Variants in SNX31 observed in about 807,000 individuals in gnomAD.
SNX31 encodes sorting nexin-31.
SNX31 carries 58 observed loss-of-function variants against 65.4 expected under a neutral mutation model. That is an observed-to-expected ratio of 0.89 (90% CI 0.72 to 1.10). SNX31 has a LOEUF of 1.10. Among genes scored for constraint, SNX31 ranks in the 50% least tolerant of loss-of-function variants. The pLI, the probability that SNX31 is intolerant of heterozygous loss-of-function variation, is 0.00. For synonymous variants in SNX31, 181 were observed against 190.1 expected, an observed-to-expected ratio of 0.95 and a Z score of 0.39; for missense variants, 523 against 529.7, an observed-to-expected ratio of 0.99 and a Z score of 0.12.
chr8:100,602,723 C>T lies in SNX31; in HGVS notation c.682-2282G>A, dbSNP rs146925528. ...ACTGAGATCACTACTAAGTGACTGA[C>T]GGGTGGATGATGCAGACAGCACGAA... On this transcript the variant is annotated intron_variant, in intron 8 of 13. Transcript: ENST00000311812. Among the ~76,000 whole-genome samples, 519 of 152,180 alleles carry T rather than the reference C, an allele frequency of 3.4e-3. 1 individual carries two copies. Among genetic ancestry groups the T allele is most frequent in the Middle Eastern group, 6.8e-3 (2 of 294 alleles).
chr8:100,582,064 C>T lies in SNX31; in HGVS notation c.1170+2047G>A, dbSNP rs114689114. On this transcript the variant is annotated intron_variant, in intron 12 of 13. Transcript: ENST00000311812. ...AAATAAAGAGTTTCTGGAACTAAAA[C>T]GTGTTAAATATTTGGATAAAGCAAT... 7.6e-3 allele frequency among the ~76,000 whole-genome samples: 1,158 copies of T among 152,220 alleles called. 13 individuals are homozygous for T. Among genetic ancestry groups the T allele is most frequent in the African/African-American group, 0.026 (1,077 of 41,526 alleles).
chr8:100,581,132 CAA>C (rs60802013), intron 12 of SNX31, among the ~76,000 whole-genome samples: 6 of 79,616 alleles, frequency 7.5e-5, no homozygotes, highest in Non-Finnish European at 1.0e-4. Context: ...CTTACCTCTA[CAA>C]AAAAAAAAAA....
chr8:100,618,579 G>GT, intron 4 of SNX31: 1 of 544,490 alleles, frequency 1.8e-6, no homozygotes, highest in Non-Finnish European at 3.2e-6. Flanking sequence ...CAGCAAATAT[G>GT]GGGCCCAAGT....
At chr8:100,661,674 T>C (rs1809790245) in intron 1 of SNX31, among the ~76,000 whole-genome samples, 1 of 148,706 alleles carries the variant, frequency 6.7e-6, no homozygotes, top group Non-Finnish European at 1.5e-5. Context: ...GACTATAACA[T>C]GCACCACCAC....
intron 10 of SNX31, among the ~76,000 whole-genome samples, chr8:100,591,998 TATG>T (rs1453256555): frequency 1.3e-5 from 2 of 151,968 alleles, no homozygotes; most frequent in African/African-American, 4.8e-5. Flanking sequence ...AGGAGGAAAA[TATG>T]ATCTGCAAAC....
intron 1 of SNX31, among the ~76,000 whole-genome samples, chr8:100,661,672 C>T (rs1809790204): frequency 6.7e-6 from 1 of 149,492 alleles, no homozygotes; most frequent in Admixed American, 6.8e-5. Flanking sequence ...GGGACTATAA[C>T]ATGCACCACC....
intron 8 of SNX31, among the ~76,000 whole-genome samples, chr8:100,607,315 T>G (rs984435017): frequency 6.6e-6 from 1 of 152,032 alleles, no homozygotes; most frequent in Non-Finnish European, 1.5e-5. Context: ...GTGTGGTGAG[T>G]GTGAACACCT....
rs1816536048 is a variant in SNX31, at chr8:100,609,765, T to C, written c.612-1202A>G. 1.3e-5 allele frequency among the ~76,000 whole-genome samples: 2 copies of C among 152,028 alleles called. No individual in the cohort carries two copies. The highest frequency in any genetic ancestry group is 4.1e-4 in the South Asian group (2 of 4,822). On this transcript the variant is annotated intron_variant, in intron 7 of 13. Transcript: ENST00000311812. This position sits in a 1 kb window ranked among gnomAD's most constrained non-coding sequence, Gnocchi z 4.9. The stretch of plus-strand genomic sequence containing the variant: ...GTAACTGAAGCATCCCTACTTACAT[T>C]CCAGGTAACTATGCACCCACACATC...
In SNX31 at chr8:100,576,197, G is replaced by T. The variant is rs1165709261; in HGVS notation, c.1227+822C>A. Among the ~76,000 whole-genome samples, 1 of 152,084 alleles carries T rather than the reference G, an allele frequency of 6.6e-6. No individual in the cohort carries two copies. The highest frequency in any genetic ancestry group is 1.5e-5 in the Non-Finnish European group (1 of 68,028). On this transcript the variant is annotated intron_variant, in intron 13 of 13. Transcript: ENST00000311812. The surrounding 1 kb of genome is among the most constrained non-coding windows in gnomAD (Gnocchi z 4.8). ...TCCCTGACTGTATTCATTCAAGAAA[G>T]GACTTTATATACTTACATATTTATA...
At chr8:100,636,440 G>A (rs961640078) in intron 2 of SNX31, among the ~76,000 whole-genome samples, 4 of 152,134 alleles carry the variant, frequency 2.6e-5, no homozygotes, top group African/African-American at 7.2e-5. Flanking sequence ...CACCTAAAGC[G>A]GTAGCCACCA....
Position 100,588,963 on chromosome 8 carries a change from G to T in SNX31, c.995C>A (p.Thr332Lys), listed in dbSNP as rs769414323. Reference sequence around the variant, plus strand: ...GTTGAGAGTTCTCTGGGGCCCATCCGTATCCAGCAGAGTTCCCTACAAAGG... The same window carrying T: ...GTTGAGAGTTCTCTGGGGCCCATCCTTATCCAGCAGAGTTCCCTACAAAGG... ...QVTFLGTLLD[T>K]DGPQRTLNQN... Residue 332 changes from threonine to lysine, a missense_variant, in exon 11 of 14, where the codon ACG becomes AAG. Thr to Lys is a moderately conservative substitution (Grantham distance 78, BLOSUM62 -1). Coordinates refer to ENST00000311812, the MANE Select transcript of SNX31 (RefSeq NM_152628.4). This position sits in a 1 kb window ranked among gnomAD's most constrained non-coding sequence, Gnocchi z 4.8. 12 of 1,612,846 alleles carry T rather than the reference G, an allele frequency of 7.4e-6. No homozygotes were observed. Among genetic ancestry groups the T allele is most frequent in the Non-Finnish European group, 1.0e-5 (12 of 1,179,220 alleles).
At chr8:100,583,465 C>A (rs557001405) in intron 12 of SNX31, among the ~76,000 whole-genome samples, 8 of 152,250 alleles carry the variant, frequency 5.3e-5, no homozygotes, top group African/African-American at 1.7e-4. Context: ...TTGGGACATA[C>A]TTGTATCATG....
At chr8:100,585,026 C>T (rs1458843660) in intron 11 of SNX31, among the ~76,000 whole-genome samples, 1 of 152,022 alleles carries the variant, frequency 6.6e-6, no homozygotes, top group African/African-American at 2.4e-5. Flanking sequence ...GCCTGGCCCA[C>T]TTTCTTATTT....
rs1442972619 is a variant in SNX31, at chr8:100,594,295, C to T, written c.978+2344G>A. 6.6e-6 allele frequency among the ~76,000 whole-genome samples: 1 copy of T among 152,136 alleles called. No homozygotes were observed. The highest frequency in any genetic ancestry group is 6.5e-5 in the Admixed American group (1 of 15,270). On this transcript the variant is annotated intron_variant, in intron 10 of 13. Transcript: ENST00000311812. The surrounding 1 kb of genome is among the most constrained non-coding windows in gnomAD (Gnocchi z 4.0). Reference sequence around the variant, plus strand: ...CTCCAGCCTGGGCGACAGAGCAAGACTCTGTCTCAAAACAAAACCAAAACA... The same window carrying T: ...CTCCAGCCTGGGCGACAGAGCAAGATTCTGTCTCAAAACAAAACCAAAACA...
In SNX31 at chr8:100,576,188, T is replaced by C. The variant is rs1460024562; in HGVS notation, c.1227+831A>G. ...AGTTTATTTTCCCTGACTGTATTCA[T>C]TCAAGAAAGGACTTTATATACTTAC... On this transcript the variant is annotated intron_variant, in intron 13 of 13. Transcript: ENST00000311812. The surrounding 1 kb of genome is among the most constrained non-coding windows in gnomAD (Gnocchi z 4.8). Among the ~76,000 whole-genome samples, 1 of 152,210 alleles carries C rather than the reference T, an allele frequency of 6.6e-6. No homozygotes were observed.
intron 10 of SNX31, among the ~76,000 whole-genome samples, chr8:100,590,116 T>C (rs988942982): frequency 2.0e-5 from 3 of 152,240 alleles, no homozygotes; most frequent in African/African-American, 7.2e-5. Context: ...CATTTTCCAC[T>C]AGAGTCCAAT....
intron 2 of SNX31, among the ~76,000 whole-genome samples, chr8:100,637,091 C>A (rs1818829968): frequency 6.6e-6 from 1 of 152,120 alleles, no homozygotes; most frequent in Admixed American, 6.6e-5. Context: ...ACATATGATC[C>A]CAAGTAGAAA....
Position 100,588,111 on chromosome 8 carries a change from A to G in SNX31, c.1092+755T>C, listed in dbSNP as rs186216124. 0.055 allele frequency among the ~76,000 whole-genome samples: 7,360 copies of G among 134,522 alleles called. 453 individuals are homozygous for G. The highest frequency in any genetic ancestry group is 0.18 in the Admixed American group (2,503 of 13,790). 88.3% of individuals were successfully genotyped at this position (134,522 alleles called of 152,430 possible). A position where few individuals can be genotyped will look rare whatever the true frequency, so the allele number is the denominator to read the frequency against. ...AAAGGTACTACAGGAAAAAGGTGAA[A>G]CATTAAAAAAAAACATAAAAAAGGT... On this transcript the variant is annotated intron_variant, in intron 11 of 13. Transcript: ENST00000311812. The surrounding 1 kb of genome is among the most constrained non-coding windows in gnomAD (Gnocchi z 4.8).
At chr8:100,628,125 C>T (rs1243321488) in intron 4 of SNX31, among the ~76,000 whole-genome samples, 3 of 152,186 alleles carry the variant, frequency 2.0e-5, no homozygotes, top group Non-Finnish European at 4.4e-5. Context: ...AATAGGAACA[C>T]TTTTACACTG....
Sources: gnomAD v4.1 joint callset for allele counts (sites outside exome capture counted in the v4.1 genomes callset) on GRCh38, gnomAD v4.1.1 for gene constraint, Gnocchi (gnomAD v3.1) non-coding constraint, MANE v1.5 for transcripts, NCBI Gene and HGNC (gene_info 2026-07-23, HGNC 2026-07-21) for gene names.